Variants in COL4A4 observed in about 807,000 individuals in gnomAD.
The protein encoded by COL4A4 is collagen type IV alpha 4 chain.
In COL4A4, 105 loss-of-function variants were observed where a neutral mutation model predicts 192.9. The observed-to-expected ratio is 0.54, with a 90% confidence interval of 0.46 to 0.64. The LOEUF (loss-of-function observed/expected upper bound fraction) is 0.64. Ranked by LOEUF, COL4A4 falls within the 30% of genes least tolerant of loss-of-function variation. COL4A4 has a pLI of 0.00. For synonymous variants in COL4A4, 762 were observed against 769.9 expected (o/e 0.99, Z 0.17); for missense variants, 1,967 against 2,169.3 (o/e 0.91, Z 1.85).
At chr2:227,010,051 T>C (rs1963281313) in intron 46 of COL4A4, among the ~76,000 whole-genome samples, 1 of 152,158 alleles carries the variant, frequency 6.6e-6, no homozygotes, top group Non-Finnish European at 1.5e-5. Flanking sequence ...ATAAAACTAA[T>C]AATATACTTA....
In COL4A4 at chr2:227,063,637, C is replaced by A. The variant is rs533013203; in HGVS notation, c.1988-1039G>T. Among the ~76,000 whole-genome samples, 10 of 152,066 alleles carry A rather than the reference C, an allele frequency of 6.6e-5. No homozygotes were observed. In the South Asian group the frequency reaches 2.1e-3, roughly 32 times the overall value. On this transcript the variant is annotated intron_variant, in intron 25 of 47. Coordinates refer to ENST00000396625, the MANE Select transcript of COL4A4 (RefSeq NM_000092.5). ...AGTTTTCAGCTATAATCCTGAAAGTCATTTTATTGTTTGAAATTCACATAA... is the reference window on the plus strand; with the variant it reads ...AGTTTTCAGCTATAATCCTGAAAGTAATTTTATTGTTTGAAATTCACATAA...
chr2:227,007,171 G>T lies in COL4A4; in HGVS notation c.*154C>A. 9.4e-7 allele frequency: 1 copy of T among 1,061,402 alleles called. No homozygotes were observed. The highest frequency in any genetic ancestry group is 1.5e-6 in the Non-Finnish European group (1 of 684,392). 65.7% of individuals were successfully genotyped at this position (1,061,402 alleles called of 1,614,324 possible). A position where few individuals can be genotyped will look rare whatever the true frequency, so the allele number is the denominator to read the frequency against. ...GTGCAGCATTTGCTTAATGTGTAAG[G>T]AACCAGAGGACTCTGGGAATAACCA... is the stretch of plus-strand genomic sequence containing the variant. On this transcript the variant is annotated 3_prime_UTR_variant, in exon 48 of 48. Coordinates refer to ENST00000396625, the MANE Select transcript of COL4A4 (RefSeq NM_000092.5).
chr2:227,043,228 G>A, intron 35 of COL4A4, 44 bp from the exon 36 acceptor site: 2 of 1,505,860 alleles, frequency 1.3e-6, no homozygotes, highest in Non-Finnish European at 1.8e-6. Context: ...GTTTGAGACA[G>A]TGAATCTTTA....
At chr2:227,108,712 G>T in intron 11 of COL4A4, 90 bp from the exon 12 acceptor site, 1 of 1,515,726 alleles carries the variant, frequency 6.6e-7, no homozygotes, top group Non-Finnish European at 9.2e-7. Flanking sequence ...ACAATATATT[G>T]CAGTTCATGG....
chr2:226,986,726 TTGG>T, the COL4A4 span, among the ~76,000 whole-genome samples: 1 of 152,224 alleles, frequency 6.6e-6, no homozygotes, highest in Non-Finnish European at 1.5e-5. Context: ...TTGTACACTG[TTGG>T]TGGGAGTGTA....
intron 35 of COL4A4, among the ~76,000 whole-genome samples, chr2:227,044,544 T>C (rs1012029633): frequency 7.9e-5 from 12 of 152,160 alleles, no homozygotes; most frequent in African/African-American, 2.9e-4. Context: ...CTATGTATTA[T>C]CTTATTTATC....
chr2:227,014,808 CAA>C (rs1365043823), intron 44 of COL4A4, among the ~76,000 whole-genome samples: 1 of 151,476 alleles, frequency 6.6e-6, no homozygotes, highest in Admixed American at 6.6e-5. Context: ...CCTCCCAGTT[CAA>C]GAGATTCTCC....
Position 227,127,981 on chromosome 2 carries a change from C to T in COL4A4, c.193-6833G>A, listed in dbSNP as rs543671451. 6.6e-5 allele frequency among the ~76,000 whole-genome samples: 10 copies of T among 152,282 alleles called. No individual in the cohort carries two copies. The South Asian group carries it at 2.1e-3, about 32-fold the overall frequency. On this transcript the variant is annotated intron_variant, in intron 4 of 47. Transcript: ENST00000396625. The stretch of plus-strand genomic sequence containing the variant: ...ATGACATTTATCATAAAAAATGTCA[C>T]AGGAAGGGGAAGGAATGTATTTATT...
intron 7 of COL4A4, among the ~76,000 whole-genome samples, chr2:227,117,528 TGGAG>T (rs1338382746): frequency 2.0e-5 from 3 of 152,254 alleles, no homozygotes; most frequent in African/African-American, 4.8e-5. Flanking sequence ...CTCTAGAATC[TGGAG>T]CAAAAGGAAG....
intron 37 of COL4A4, among the ~76,000 whole-genome samples, chr2:227,034,136 T>G (rs1366635552): frequency 6.6e-6 from 1 of 152,238 alleles, no homozygotes; most frequent in African/African-American, 2.4e-5. Context: ...AAACAGACAT[T>G]ACCCCACTGA....
intron 1 of COL4A4, among the ~76,000 whole-genome samples, chr2:227,157,508 T>C (rs575152864): frequency 6.6e-6 from 1 of 152,004 alleles, no homozygotes; most frequent in Non-Finnish European, 1.5e-5. Context: ...CCAACATTAG[T>C]AGTTGGTTCT....
intron 24 of COL4A4, among the ~76,000 whole-genome samples, chr2:227,079,553 T>C (rs2059209625): frequency 6.6e-6 from 1 of 152,218 alleles, no homozygotes; most frequent in South Asian, 2.1e-4. Context: ...AAGGGTTTCC[T>C]GTAGAATCAG....
At chr2:227,083,071 A>G (rs775834581) in intron 22 of COL4A4, among the ~76,000 whole-genome samples, 7 of 152,174 alleles carry the variant, frequency 4.6e-5, no homozygotes, top group Admixed American at 2.0e-4. Context: ...CCTACTAAAA[A>G]TACAAAAATT....
rs907555798 is a variant in COL4A4 at position 227,005,044 on chromosome 2, G to A, written c.*2281C>T. The stretch of plus-strand genomic sequence containing the variant: ...TTCTATTCCAAGAAGTTATTTTTCC[G>A]CCCTTTTGATCCTTTAAAATACTTT... On this transcript the variant is annotated 3_prime_UTR_variant, in exon 48 of 48. Coordinates refer to ENST00000396625, the MANE Select transcript of COL4A4 (RefSeq NM_000092.5). The A allele has an allele frequency of 1.3e-5, 2 of 152,024 alleles. No individual in the cohort carries two copies. The highest frequency in any genetic ancestry group is 2.1e-4 in the South Asian group (1 of 4,814). The allele number at this position is 152,024 out of a possible 1,614,324, so 9.4% of individuals were successfully genotyped here. A position where few individuals can be genotyped will look rare whatever the true frequency, so the allele number is the denominator to read the frequency against.
intron 5 of COL4A4, 70 bp downstream of exon 5, chr2:227,120,944 C>CA (rs1292556827): frequency 1.2e-6 from 2 of 1,604,232 alleles, no homozygotes; most frequent in African/African-American, 2.7e-5. Flanking sequence ...CTAAAAAAAA[C>CA]AAAAACAAAA....
intron 2 of COL4A4, among the ~76,000 whole-genome samples, chr2:227,144,847 T>C (rs1035608481): frequency 6.6e-6 from 1 of 151,956 alleles, no homozygotes; most frequent in African/African-American, 2.4e-5. Context: ...GAGGGACAGA[T>C]GAGTGAAAGA....
chr2:227,033,881 C>T (rs1233988343), intron 37 of COL4A4, among the ~76,000 whole-genome samples: 1 of 128,516 alleles, frequency 7.8e-6, no homozygotes, highest in Non-Finnish European at 1.6e-5. Context: ...CTTGGGGTCA[C>T]TGCACCCTCC....
intron 22 of COL4A4, among the ~76,000 whole-genome samples, chr2:227,084,368 G>A (rs2059475083): frequency 6.6e-6 from 1 of 152,140 alleles, no homozygotes; most frequent in African/African-American, 2.4e-5. Flanking sequence ...TAAGACTTTG[G>A]TACCTTGGAA....
chr2:227,162,485 A>G (rs78338031), intron 1 of COL4A4, among the ~76,000 whole-genome samples: 7,614 of 152,218 alleles, frequency 0.05, 237 homozygotes, highest in Admixed American at 0.087. Context: ...CAGAACACCT[A>G]CCGTTTCATT....
Sources: allele counts gnomAD v4.1 joint callset (sites outside exome capture counted in the v4.1 genomes callset), GRCh38; gene constraint gnomAD v4.1.1; transcripts MANE v1.5; gene names NCBI Gene and HGNC (gene_info 2026-07-23, HGNC 2026-07-21).